The following CFAP47 variants were observed in gnomAD, a reference collection of about 807,000 sequenced individuals.
CFAP47 encodes cilia and flagella associated protein 47.
A neutral mutation model predicts 148.1 loss-of-function variants in CFAP47; 29 were observed. The observed-to-expected ratio is 0.20, with a 90% CI of 0.15 to 0.27. CFAP47 has a LOEUF of 0.27. Among genes scored for constraint, CFAP47 ranks in the 10% least tolerant of loss-of-function variants. The pLI, the probability that CFAP47 is intolerant of heterozygous loss-of-function variation, is 1.00. For missense variants in CFAP47, 1,872 were observed against 1,697.5 expected, an observed-to-expected ratio of 1.10 and a Z score of -1.81; for synonymous variants, 664 against 577.3, an observed-to-expected ratio of 1.15 and a Z score of -2.15.
At chrX:36,147,978 A>G (rs1372677187) in intron 36 of CFAP47, among the ~76,000 whole-genome samples, 1 of 111,792 alleles carries the variant, frequency 8.9e-6, no homozygotes, top group Non-Finnish European at 1.9e-5. Context: ...TGTTAAATAA[A>G]AAAAAATATT....
chrX:36,022,513 C>G (rs1937171675), intron 22 of CFAP47, among the ~76,000 whole-genome samples: 2 of 110,913 alleles, frequency 1.8e-5, no homozygotes, highest in Admixed American at 9.6e-5. Context: ...ATATATCTTT[C>G]TCTAAATTTG....
At position 35,979,721 on chromosome X, in the gene CFAP47, T is replaced by G. The variant is rs188275580; in HGVS notation, c.2713+3808T>G. On this transcript the variant is annotated intron_variant, in intron 15 of 63. Transcript: ENST00000378653. ...GCTTAGAGGTCTTATTTAAATAGTATTTTAACAAAGAGCAATAAATCTTAG... is the reference window on the plus strand; with the variant it reads ...GCTTAGAGGTCTTATTTAAATAGTAGTTTAACAAAGAGCAATAAATCTTAG... Among the ~76,000 whole-genome samples, 465 of 111,654 alleles carry G rather than the reference T, an allele frequency of 4.2e-3. 3 individuals are homozygous for G. The highest frequency in any genetic ancestry group is 0.013 in the African/African-American group (407 of 30,801).
intron 48 of CFAP47, among the ~76,000 whole-genome samples, chrX:36,241,316 G>C (rs1048632695): frequency 8.9e-5 from 10 of 111,859 alleles, no homozygotes; most frequent in Non-Finnish European, 1.9e-4. Flanking sequence ...GAGTGCAGCC[G>C]TAAGTGTCCA....
chrX:36,080,736 C>T (rs898082907), intron 29 of CFAP47, among the ~76,000 whole-genome samples: 7 of 110,757 alleles, frequency 6.3e-5, no homozygotes, highest in African/African-American at 2.0e-4. Flanking sequence ...ACAATGAGAA[C>T]ACTTGGACAC....
intron 26 of CFAP47, among the ~76,000 whole-genome samples, chrX:36,064,443 GA>G (rs1343728843): frequency 8.9e-6 from 1 of 111,942 alleles, no homozygotes; most frequent in Non-Finnish European, 1.9e-5. Context: ...AATGTATAAA[GA>G]GAAAAATGTA....
At chrX:36,166,537 C>G (rs1939492516) in intron 39 of CFAP47, among the ~76,000 whole-genome samples, 1 of 110,523 alleles carries the variant, frequency 9.0e-6, no homozygotes. Flanking sequence ...TTATAGTTTC[C>G]TTTATTTCTT....
At chrX:36,293,318 A>T (rs1556005877) in intron 51 of CFAP47, among the ~76,000 whole-genome samples, 1 of 112,397 alleles carries the variant, frequency 8.9e-6, no homozygotes, top group Non-Finnish European at 1.9e-5. Flanking sequence ...TAGTATTCAG[A>T]GTATATCTAG....
chrX:36,337,437 G>GAT (rs782677164), intron 57 of CFAP47, among the ~76,000 whole-genome samples: 211 of 111,803 alleles, frequency 1.9e-3, no homozygotes, highest in Admixed American at 2.9e-3. Context: ...TTAGTAGGTG[G>GAT]ATATATATAG....
intron 21 of CFAP47, among the ~76,000 whole-genome samples, chrX:36,009,158 T>A (rs1251409439): frequency 3.6e-5 from 4 of 111,576 alleles, no homozygotes; most frequent in South Asian, 3.7e-4. Flanking sequence ...CTAATGTCCA[T>A]CCAGCAATCA....
At chrX:36,119,517 T>A (rs1405345123) in intron 33 of CFAP47, among the ~76,000 whole-genome samples, 1 of 111,581 alleles carries the variant, frequency 9.0e-6, no homozygotes, top group Non-Finnish European at 1.9e-5. Flanking sequence ...TGGCCTGTAG[T>A]TTCCTTTTCT....
At chrX:35,964,615 C>T (rs1338598588) in intron 8 of CFAP47, among the ~76,000 whole-genome samples, 4 of 110,630 alleles carry the variant, frequency 3.6e-5, no homozygotes, top group African/African-American at 9.8e-5. Flanking sequence ...TTGATGATGT[C>T]CCCAAAGTCT....
intron 46 of CFAP47, among the ~76,000 whole-genome samples, chrX:36,233,629 T>G (rs1569295283): frequency 8.9e-6 from 1 of 111,792 alleles, no homozygotes; most frequent in Non-Finnish European, 1.9e-5. Context: ...AGGTTAATAT[T>G]GTTATGTGTG....
At chrX:36,068,289 C>A (rs1937677790) in intron 27 of CFAP47, among the ~76,000 whole-genome samples, 1 of 111,994 alleles carries the variant, frequency 8.9e-6, no homozygotes, top group Admixed American at 9.4e-5. Flanking sequence ...TCTGTCATAG[C>A]CCTTACTACA....
At chrX:36,374,756 C>A in intron 62 of CFAP47, 1 of 513,367 alleles carries the variant, frequency 1.9e-6, no homozygotes, top group Non-Finnish European at 3.1e-6. Context: ...ATTTTTTTTT[C>A]CATGAGGCAT....
At chrX:36,131,637 G>A (rs1370204842) in intron 33 of CFAP47, among the ~76,000 whole-genome samples, 1 of 111,315 alleles carries the variant, frequency 9.0e-6, no homozygotes, top group Non-Finnish European at 1.9e-5. Context: ...AGAAAATGTG[G>A]TATATTCCCA....
At chrX:36,266,470 C>T (rs1169513854) in intron 49 of CFAP47, among the ~76,000 whole-genome samples, 2 of 110,946 alleles carry the variant, frequency 1.8e-5, no homozygotes, top group Admixed American at 1.9e-4. Flanking sequence ...GGTGGGAACC[C>T]TTCTGGCAGG....
At chrX:36,173,424 C>G (rs1366072221) in intron 39 of CFAP47, among the ~76,000 whole-genome samples, 1 of 111,691 alleles carries the variant, frequency 9.0e-6, no homozygotes, top group Non-Finnish European at 1.9e-5. Context: ...CCTGCTTTCT[C>G]TTGTGGGCAT....
At chrX:35,985,384 T>C (rs1936700215) in intron 15 of CFAP47, among the ~76,000 whole-genome samples, 1 of 111,107 alleles carries the variant, frequency 9.0e-6, no homozygotes, top group East Asian at 2.9e-4. Context: ...TGGACACTAA[T>C]GCCAGCAGGG....
chrX:36,160,635 AT>A, intron 38 of CFAP47, 45 bp from the exon 39 acceptor site: 1 of 288,477 alleles, frequency 3.5e-6, no homozygotes, highest in Non-Finnish European at 6.1e-6. Flanking sequence ...CAGAAAGTTC[AT>A]TTTTTGTTAT....
Sources: gnomAD v4.1 joint callset for allele counts (sites outside exome capture counted in the v4.1 genomes callset) on GRCh38, gnomAD v4.1.1 for gene constraint, MANE v1.5 for transcripts, NCBI Gene and HGNC (gene_info 2026-07-23, HGNC 2026-07-21) for gene names.